Variants in MDGA2 observed in about 807,000 individuals in gnomAD.
The protein encoded by MDGA2 is MAM domain containing glycosylphosphatidylinositol anchor 2.
In MDGA2, 40 loss-of-function variants were observed where a neutral mutation model predicts 117.8. The observed-to-expected ratio is 0.34, with a 90% CI of 0.26 to 0.44. The LOEUF is 0.44. Ranked by LOEUF, MDGA2 falls within the 20% of genes least tolerant of loss-of-function variation. The probability of loss-of-function intolerance (pLI) is 1.00; values close to 1 mark genes in which losing one functional copy is unlikely to be tolerated. For synonymous variants in MDGA2, 452 were observed against 439.0 expected, an observed-to-expected ratio of 1.03 and a Z score of -0.37; for missense variants, 1,123 against 1,250.6, an observed-to-expected ratio of 0.90 and a Z score of 1.54.
At chr14:47,180,348 T>C (rs956777000) in intron 3 of MDGA2, among the ~76,000 whole-genome samples, 1 of 152,100 alleles carries the variant, frequency 6.6e-6, no homozygotes, top group Admixed American at 6.6e-5. Context: ...AATTGACAAA[T>C]GGGATTTCAT....
intron 1 of MDGA2, among the ~76,000 whole-genome samples, chr14:47,496,394 C>T (rs182418173): frequency 6.6e-6 from 1 of 152,144 alleles, no homozygotes; most frequent in East Asian, 1.9e-4. Context: ...AAGCACACAC[C>T]ACCAAGCCTG....
intron 1 of MDGA2, among the ~76,000 whole-genome samples, chr14:47,368,580 C>T (rs368130646): frequency 2.0e-5 from 3 of 152,140 alleles, no homozygotes; most frequent in Non-Finnish European, 2.9e-5. Context: ...TACTGCTAGT[C>T]GATGGCAATT....
chr14:47,561,171 G>GTTTTTTTTTTTTTTTTTTTTT (rs1594918273), intron 1 of MDGA2, among the ~76,000 whole-genome samples: 14 of 68,474 alleles, frequency 2.0e-4, no homozygotes, highest in South Asian at 6.5e-4. Flanking sequence ...TTGTTTTTTT[G>GTTTTTTTTTTTTTTTTTTTTT]TTTGTTTGTT....
intron 3 of MDGA2, among the ~76,000 whole-genome samples, chr14:47,201,703 TTATC>T (rs1205196258): frequency 6.6e-6 from 1 of 152,156 alleles, no homozygotes; most frequent in Non-Finnish European, 1.5e-5. Flanking sequence ...CCAGCCTACT[TTATC>T]TGTTTTTCTA....
At chr14:47,042,386 T>G (rs1889110003) in intron 7 of MDGA2, among the ~76,000 whole-genome samples, 1 of 149,230 alleles carries the variant, frequency 6.7e-6, no homozygotes, top group South Asian at 2.1e-4. Flanking sequence ...AAACAAGAGA[T>G]GGGTTAAAAA....
At chr14:47,153,910 A>T (rs1883263603) in intron 3 of MDGA2, among the ~76,000 whole-genome samples, 1 of 152,130 alleles carries the variant, frequency 6.6e-6, no homozygotes, top group Non-Finnish European at 1.5e-5. Flanking sequence ...CAAGTAATAG[A>T]TCACTGGGGA....
At chr14:47,324,005 G>T (rs1482709285) in intron 1 of MDGA2, among the ~76,000 whole-genome samples, 2 of 152,248 alleles carry the variant, frequency 1.3e-5, no homozygotes, top group Admixed American at 1.3e-4. Context: ...CAGCTCTTTG[G>T]GAGGCCGAGG....
intron 2 of MDGA2, among the ~76,000 whole-genome samples, chr14:47,300,163 G>A (rs1409671261): frequency 6.6e-6 from 1 of 152,172 alleles, no homozygotes; most frequent in Non-Finnish European, 1.5e-5. Flanking sequence ...TTAAAATGGT[G>A]AGTTCATAAA....
At chr14:47,255,462 G>A (rs749884722) in intron 2 of MDGA2, among the ~76,000 whole-genome samples, 1 of 152,142 alleles carries the variant, frequency 6.6e-6, no homozygotes, top group African/African-American at 2.4e-5. Flanking sequence ...GATTCAGGTT[G>A]TTAACACTTA....
At chr14:47,672,616 C>T (rs1407432246) in intron 1 of MDGA2, among the ~76,000 whole-genome samples, 1 of 152,198 alleles carries the variant, frequency 6.6e-6, no homozygotes. Context: ...CACACACATA[C>T]ACTCACACAT....
intron 8 of MDGA2, among the ~76,000 whole-genome samples, chr14:47,023,200 A>C (rs1481632170): frequency 1.4e-5 from 1 of 73,496 alleles, no homozygotes; most frequent in African/African-American, 6.3e-5. Flanking sequence ...CCCACTCGTA[A>C]AAAAAAAAAA....
chr14:47,130,281 G>A (rs1395912198), intron 5 of MDGA2, among the ~76,000 whole-genome samples: 1 of 152,058 alleles, frequency 6.6e-6, no homozygotes, highest in East Asian at 1.9e-4. Context: ...AAGGTGTAAG[G>A]AAGGGATCCA....
chr14:46,937,788 A>G (rs1312036714), intron 9 of MDGA2, among the ~76,000 whole-genome samples: 3 of 152,198 alleles, frequency 2.0e-5, no homozygotes, highest in Non-Finnish European at 4.4e-5. Flanking sequence ...CTTACTCTAT[A>G]TAAAAATTAA....
chr14:47,481,486 T>C (rs116985766), intron 1 of MDGA2, among the ~76,000 whole-genome samples: 1,891 of 152,110 alleles, frequency 0.012, 16 homozygotes, highest in Non-Finnish European at 0.019. Flanking sequence ...CCTGAACTGC[T>C]AATGTAATGT....
intron 5 of MDGA2, among the ~76,000 whole-genome samples, chr14:47,113,655 C>T (rs1459539537): frequency 3.3e-5 from 5 of 152,078 alleles, no homozygotes; most frequent in Non-Finnish European, 7.4e-5. Context: ...AAGACAAAAA[C>T]CACTTGATTA....
At chr14:47,173,441 A>T (rs1246471038) in intron 3 of MDGA2, among the ~76,000 whole-genome samples, 1 of 152,248 alleles carries the variant, frequency 6.6e-6, no homozygotes, top group Non-Finnish European at 1.5e-5. Flanking sequence ...TCAGACTAAC[A>T]GCGGATCTCT....
At chr14:46,881,074 G>T (rs1217068122) in intron 11 of MDGA2, among the ~76,000 whole-genome samples, 1 of 148,284 alleles carries the variant, frequency 6.7e-6, no homozygotes, top group Middle Eastern at 3.5e-3. Flanking sequence ...TTAGCAATAT[G>T]AAAAATGAAT....
At chr14:47,034,989 G>T in intron 8 of MDGA2, 22 bp downstream of exon 8, 2 of 1,590,730 alleles carry the variant, frequency 1.3e-6, no homozygotes, top group Non-Finnish European at 1.7e-6. Context: ...ATATGGAAAT[G>T]CATAAAAGGG....
chr14:47,293,789 T>A (rs530240083), intron 2 of MDGA2, among the ~76,000 whole-genome samples: 2 of 152,260 alleles, frequency 1.3e-5, no homozygotes, highest in East Asian at 3.9e-4. Context: ...AAAATAACTT[T>A]TCTTGAGAAT....
Sources: gnomAD v4.1 joint callset for allele counts (sites outside exome capture counted in the v4.1 genomes callset) on GRCh38, gnomAD v4.1.1 for gene constraint, MANE v1.5 for transcripts, NCBI Gene and HGNC (gene_info 2026-07-23, HGNC 2026-07-21) for gene names.